Variants in TEX11 observed in about 807,000 individuals in gnomAD.
TEX11 encodes the protein testis expressed 11.
In TEX11, 7 loss-of-function variants were observed where a neutral mutation model predicts 84.4. The observed-to-expected ratio is 0.08, with a 90% CI of 0.05 to 0.16. The LOEUF (loss-of-function observed/expected upper bound fraction) is 0.16. Ranked by LOEUF, TEX11 falls within the 10% of genes least tolerant of loss-of-function variation. The pLI is 1.00. For synonymous variants in TEX11, 264 were observed against 222.8 expected (o/e 1.18, Z -1.64); for missense variants, 551 against 660.5 (o/e 0.83, Z 1.82).
At chrX:70,638,921 G>A (rs192535299) in intron 17 of TEX11, among the ~76,000 whole-genome samples, 166 of 110,064 alleles carry the variant, frequency 1.5e-3, no homozygotes, top group Non-Finnish European at 2.3e-3. Flanking sequence ...CAAGATGGCC[G>A]AATAGGAACA....
intron 9 of TEX11, among the ~76,000 whole-genome samples, chrX:70,791,351 C>T (rs763585969): frequency 2.7e-5 from 3 of 112,056 alleles, no homozygotes; most frequent in Non-Finnish European, 5.6e-5. Flanking sequence ...TTAGAGAACG[C>T]TGATTCATAA....
chrX:70,764,480 G>A (rs2090927562), intron 9 of TEX11, among the ~76,000 whole-genome samples: 1 of 111,551 alleles, frequency 9.0e-6, no homozygotes, highest in African/African-American at 3.3e-5. Flanking sequence ...ATACAGGTCA[G>A]AGCAGAAATA....
chrX:70,761,647 A>G (rs981980818), intron 9 of TEX11, among the ~76,000 whole-genome samples: 1 of 112,271 alleles, frequency 8.9e-6, no homozygotes, highest in African/African-American at 3.2e-5. Context: ...TGGGTGCAGC[A>G]AACCAACATG....
chrX:70,644,517 C>A (rs980479960), intron 17 of TEX11, among the ~76,000 whole-genome samples: 15 of 108,788 alleles, frequency 1.4e-4, no homozygotes, highest in African/African-American at 4.7e-4. Flanking sequence ...GGCTTGGAAC[C>A]AACCCAAATG....
intron 25 of TEX11, among the ~76,000 whole-genome samples, chrX:70,586,743 T>C (rs748280476): frequency 6.2e-5 from 7 of 112,105 alleles, no homozygotes; most frequent in Non-Finnish European, 1.1e-4. Flanking sequence ...GAGAATGGAC[T>C]AATACAGTAA....
chrX:70,538,145 T>C (rs1018101415), intron 28 of TEX11, among the ~76,000 whole-genome samples: 27 of 111,038 alleles, frequency 2.4e-4, no homozygotes, highest in African/African-American at 8.5e-4. Flanking sequence ...GAGGTGAAGG[T>C]TGATGATAAA....
At chrX:70,685,709 C>G (rs1373941871) in intron 13 of TEX11, among the ~76,000 whole-genome samples, 1 of 111,986 alleles carries the variant, frequency 8.9e-6, no homozygotes, top group Non-Finnish European at 1.9e-5. Flanking sequence ...TGTAAGTGTT[C>G]CTATTTCTCC....
In TEX11 at chrX:70,561,726, T is replaced by C. The variant is rs772551415; in HGVS notation, c.2141-6926A>G. ...TTAAAACTTTATTCCAAATCACAGA[T>C]AAAGAAAACCATATTATATGCATGT... On this transcript the variant is annotated intron_variant, in intron 25 of 29. Coordinates refer to ENST00000374333, the MANE Select transcript of TEX11 (RefSeq NM_031276.3). Among the ~76,000 whole-genome samples the C allele has an allele frequency of 3.9e-4, 43 of 111,341 alleles. 1 individual carries two copies. Among genetic ancestry groups the C allele is most frequent in the Middle Eastern group, 4.6e-3 (1 of 218 alleles).
At chrX:70,776,424 G>A (rs755313066) in intron 9 of TEX11, among the ~76,000 whole-genome samples, 5 of 109,706 alleles carry the variant, frequency 4.6e-5, no homozygotes, top group African/African-American at 1.0e-4. Context: ...TTAGCCAGGC[G>A]TGGTGGTGCA....
intron 25 of TEX11, among the ~76,000 whole-genome samples, chrX:70,569,200 G>T: frequency 9.0e-6 from 1 of 111,649 alleles, no homozygotes. Flanking sequence ...GATCGCATCG[G>T]CTCCTGAGGC....
In TEX11 at chrX:70,610,014, GA is replaced by G. The variant is rs1160514389; in HGVS notation, c.1792+488del. Among the ~76,000 whole-genome samples, 4 of 109,101 alleles carry G rather than the reference GA, an allele frequency of 3.7e-5. 1 individual carries two copies. The highest frequency in any genetic ancestry group is 1.0e-4 in the African/African-American group (3 of 29,874). The allele number at this position is 109,101 out of a possible 115,157, so 94.7% of individuals were successfully genotyped here. On this transcript the variant is annotated intron_variant, in intron 21 of 29. Transcript: ENST00000374333. ...AACCTGAATTTGATTCAGAGGGTAT[GA>G]AAAAAACAGCAGGGTTCAGAGTATT...
intron 17 of TEX11, among the ~76,000 whole-genome samples, chrX:70,639,616 C>A (rs986329091): frequency 1.1e-4 from 12 of 111,649 alleles, no homozygotes; most frequent in Admixed American, 2.9e-4. Flanking sequence ...TGACCCCTGA[C>A]CCCCAAGCAG....
chrX:70,744,814 G>A (rs758645132), intron 9 of TEX11, among the ~76,000 whole-genome samples: 5 of 109,414 alleles, frequency 4.6e-5, no homozygotes, highest in East Asian at 2.8e-4. Context: ...AAGTTCAAGC[G>A]ATTCTCCTGC....
chrX:70,879,133 T>C (rs2091670295), intron 3 of TEX11, among the ~76,000 whole-genome samples: 2 of 110,289 alleles, frequency 1.8e-5, no homozygotes, highest in African/African-American at 6.6e-5. Context: ...GGGAAGAGGA[T>C]GGGAGGAAAT....
At chrX:70,618,098 G>T (rs752560529) in intron 20 of TEX11, among the ~76,000 whole-genome samples, 5 of 112,257 alleles carry the variant, frequency 4.5e-5, no homozygotes, top group Non-Finnish European at 7.5e-5. Context: ...TTTCCTAGCA[G>T]TGAAGGAAGA....
At chrX:70,782,096 C>T (rs1292779324) in intron 9 of TEX11, among the ~76,000 whole-genome samples, 2 of 111,985 alleles carry the variant, frequency 1.8e-5, no homozygotes, top group Non-Finnish European at 3.8e-5. Flanking sequence ...CAAAGGGAAG[C>T]CCATCAGACT....
chrX:70,756,437 A>AT (rs2090868534), intron 9 of TEX11, among the ~76,000 whole-genome samples: 2 of 111,544 alleles, frequency 1.8e-5, no homozygotes, highest in Admixed American at 1.9e-4. Context: ...AAGCAGCAAT[A>AT]TTTGCTATTC....
chrX:70,793,947 G>A (rs999137917), intron 9 of TEX11, among the ~76,000 whole-genome samples: 1 of 110,837 alleles, frequency 9.0e-6, no homozygotes, highest in Non-Finnish European at 1.9e-5. Flanking sequence ...GAGGGAGATA[G>A]AGCAAGATGG....
chrX:70,671,796 C>A (rs776400844), intron 15 of TEX11, among the ~76,000 whole-genome samples: 3 of 104,318 alleles, frequency 2.9e-5, no homozygotes, highest in African/African-American at 7.0e-5. Context: ...ACAAAACCTA[C>A]CATAACATTT....
Sources: allele counts gnomAD v4.1 joint callset (sites outside exome capture counted in the v4.1 genomes callset), GRCh38; gene constraint gnomAD v4.1.1; transcripts MANE v1.5; gene names NCBI Gene and HGNC (gene_info 2026-07-23, HGNC 2026-07-21).